UMODL1: variants seen among roughly 807,000 people sequenced by gnomAD.
UMODL1 encodes uromodulin like 1.
UMODL1 carries 128 observed loss-of-function variants against 136.3 expected under a neutral mutation model. The observed-to-expected ratio is 0.94, with a 90% CI of 0.81 to 1.09. UMODL1 has a LOEUF of 1.09. Ranked by LOEUF, UMODL1 falls within the 50% of genes least tolerant of loss-of-function variation. UMODL1 has a pLI of 0.00. For missense variants in UMODL1, 1,766 were observed against 1,725.6 expected (o/e 1.02, Z -0.41); for synonymous variants, 721 against 720.0 (o/e 1.00, Z -0.02).
rs1473206562 is a variant in UMODL1 at position 42,121,030 on chromosome 21, G to A, written c.2690-57G>A. On this transcript the variant is annotated intron_variant, in intron 15 of 22. Coordinates refer to ENST00000408910, the MANE Select transcript of UMODL1 (RefSeq NM_001004416.3). ...TGCACTCTCCCCCAACCAGGCTGCT[G>A]TGAGACCACAAGCCCCCAGGGATGT... is the stretch of plus-strand genomic sequence containing the variant. 3.2e-6 allele frequency: 5 copies of A among 1,571,492 alleles called. No homozygotes were observed. In the African/African-American group the frequency reaches 6.8e-5, roughly 21 times the overall value.
chr21:42,111,671 T>C lies in UMODL1; in HGVS notation c.2065T>C (p.Leu689=), dbSNP rs754301005. ...SGPSGSVDLP[L]TSTLTALKTP... ...ACCCTCCGGTTCTGTAGACCTGCCA[T>C]TGACCTCCACCCTCACAGCTCTGAA... The change falls in exon 12 of 23, where the codon TTG becomes CTG. Residue 689 remains leucine, a synonymous_variant. Coordinates refer to ENST00000408910, the MANE Select transcript of UMODL1 (RefSeq NM_001004416.3). The C allele has an allele frequency of 6.2e-7, 1 of 1,613,892 alleles. No individual in the cohort carries two copies. The highest frequency in any genetic ancestry group is 8.5e-7 in the Non-Finnish European group (1 of 1,179,900).
upstream of UMODL1, among the ~76,000 whole-genome samples, chr21:42,068,156 C>A (rs554548493): frequency 1.3e-5 from 2 of 152,240 alleles, no homozygotes; most frequent in South Asian, 4.2e-4. This position sits in a 1 kb window ranked among gnomAD's most constrained non-coding sequence, Gnocchi z 5.5. Context: ...GATTCCATAT[C>A]GTGAGGAATT....
intron 12 of UMODL1, among the ~76,000 whole-genome samples, chr21:42,113,280 C>T (rs374841304): frequency 6.6e-6 from 1 of 151,972 alleles, no homozygotes; most frequent in Admixed American, 6.5e-5. Flanking sequence ...GCTCAAGAGG[C>T]CTTCATTTTG....
chr21:42,098,086 G>A (rs540403558), intron 6 of UMODL1, among the ~76,000 whole-genome samples: 1 of 152,330 alleles, frequency 6.6e-6, no homozygotes, highest in South Asian at 2.1e-4. Context: ...GGCTGGCAAG[G>A]CAGTATTTGT....
chr21:42,109,960 T>G (rs2066794768), intron 10 of UMODL1, among the ~76,000 whole-genome samples: 2 of 152,234 alleles, frequency 1.3e-5, no homozygotes, highest in South Asian at 4.1e-4. Flanking sequence ...TAATTTTTGA[T>G]AGATTGTTAA....
chr21:42,118,372 G>A (rs1291889955), intron 14 of UMODL1, among the ~76,000 whole-genome samples: 2 of 152,324 alleles, frequency 1.3e-5, no homozygotes, highest in Non-Finnish European at 2.9e-5. Context: ...TTGAGCCATC[G>A]CACCTGTGAG....
intron 9 of UMODL1, among the ~76,000 whole-genome samples, chr21:42,106,073 T>A (rs2066712070): frequency 1.3e-5 from 2 of 150,426 alleles, no homozygotes; most frequent in Non-Finnish European, 3.0e-5. Context: ...AGCTGGGGGG[T>A]CAGCTGTGTG....
intron 21 of UMODL1, among the ~76,000 whole-genome samples, chr21:42,130,682 A>C (rs542692169): frequency 3.3e-5 from 5 of 152,284 alleles, no homozygotes; most frequent in African/African-American, 1.2e-4. Flanking sequence ...CACCCTCCTT[A>C]AAAGACGTCT....
chr21:42,091,572 G>A (rs928287706), intron 6 of UMODL1, among the ~76,000 whole-genome samples: 3 of 152,202 alleles, frequency 2.0e-5, no homozygotes, highest in African/African-American at 7.2e-5. Context: ...AGGGATTCCG[G>A]CAACATTTTA....
At chr21:42,064,425 G>T (rs1037163059) in intron 1 of UMODL1, among the ~76,000 whole-genome samples, 1 of 152,210 alleles carries the variant, frequency 6.6e-6, no homozygotes, top group Non-Finnish European at 1.5e-5. Context: ...TGCCTACGTT[G>T]GCACGGGAAC....
intron 22 of UMODL1, among the ~76,000 whole-genome samples, chr21:42,138,007 G>A (rs757413887): frequency 1.3e-4 from 20 of 152,040 alleles, no homozygotes; most frequent in Non-Finnish European, 2.6e-4. Context: ...GTGAAGGTTC[G>A]ATCGCTTCAC....
At chr21:42,119,550 A>T (rs1338638626) in intron 15 of UMODL1, among the ~76,000 whole-genome samples, 1 of 152,240 alleles carries the variant, frequency 6.6e-6, no homozygotes, top group African/African-American at 2.4e-5. Flanking sequence ...GTGAACCTGC[A>T]GATCCCCAGG....
intron 22 of UMODL1, among the ~76,000 whole-genome samples, chr21:42,141,719 C>T (rs570172300): frequency 2.0e-5 from 3 of 152,338 alleles, no homozygotes; most frequent in African/African-American, 7.2e-5. Context: ...CACCCACCCC[C>T]ACCAGGTCGA....
chr21:42,117,877 A>G (rs766551759), intron 14 of UMODL1, among the ~76,000 whole-genome samples: 9 of 152,068 alleles, frequency 5.9e-5, no homozygotes, highest in Non-Finnish European at 1.2e-4. Flanking sequence ...TTCCTTCCCG[A>G]GTTTCTTGAT....
chr21:42,070,218 C>T (rs2066217720), upstream of UMODL1, among the ~76,000 whole-genome samples: 1 of 152,214 alleles, frequency 6.6e-6, no homozygotes, highest in South Asian at 2.1e-4. Context: ...TGCTCCCGAA[C>T]CATGCAGCCA....
At chr21:42,117,345 G>A (rs1414778461) in intron 14 of UMODL1, among the ~76,000 whole-genome samples, 4 of 152,198 alleles carry the variant, frequency 2.6e-5, no homozygotes, top group Non-Finnish European at 5.9e-5. Flanking sequence ...CGAGCGCACT[G>A]GGCGGCTCCC....
chr21:42,101,723 A>G, intron 7 of UMODL1: 1 of 456,660 alleles, frequency 2.2e-6, no homozygotes, highest in Non-Finnish European at 4.4e-6. Context: ...GTTCTTGAGA[A>G]GTTGGACTTT....
At position 42,130,809 on chromosome 21, in the gene UMODL1, C is replaced by CT. The variant is rs776779498; in HGVS notation, c.3775+1030dup. 5.9e-3 allele frequency among the ~76,000 whole-genome samples: 821 copies of CT among 139,528 alleles called. 5 individuals are homozygous for CT. Among genetic ancestry groups the CT allele is most frequent in the South Asian group, 0.014 (61 of 4,340 alleles). The allele number at this position is 139,528 out of a possible 152,430, so 91.5% of individuals were successfully genotyped here. On this transcript the variant is annotated intron_variant, in intron 21 of 22. Coordinates refer to ENST00000408910, the MANE Select transcript of UMODL1 (RefSeq NM_001004416.3). ...AGGCAGGCCTGGGTTCTGACCTCCA[C>CT]TTTTTTTTTTTTTTTTTTGAGACGG... is the stretch of plus-strand genomic sequence containing the variant.
At chr21:42,124,947 TCC>T (rs745680834) in intron 17 of UMODL1, among the ~76,000 whole-genome samples, 2 of 151,924 alleles carry the variant, frequency 1.3e-5, no homozygotes, top group African/African-American at 4.8e-5. Context: ...CTCGGCAGGG[TCC>T]ATGGGAGTTC....
Sources: allele counts gnomAD v4.1 joint callset (sites outside exome capture counted in the v4.1 genomes callset), GRCh38; gene constraint gnomAD v4.1.1; non-coding constraint Gnocchi (gnomAD v3.1); transcripts MANE v1.5; gene names NCBI Gene and HGNC (gene_info 2026-07-23, HGNC 2026-07-21).